TSNARE1: variants seen among roughly 807,000 people sequenced by gnomAD.
The protein encoded by TSNARE1 is t-SNARE domain containing 1.
In TSNARE1, 49 loss-of-function variants were observed where a neutral mutation model predicts 62.0. The observed-to-expected ratio is 0.79, with a 90% CI of 0.63 to 1.00. The LOEUF (loss-of-function observed/expected upper bound fraction) is 1.00, where lower values mean the gene tolerates loss of function less well. TSNARE1 is among the 50% of genes least tolerant of loss of function. The pLI is 0.00. For missense variants in TSNARE1, 755 were observed against 700.1 expected (o/e 1.08, Z -0.88); for synonymous variants, 328 against 294.4 (o/e 1.11, Z -1.17).
intron 11 of TSNARE1, chr8:142,277,195 G>C: frequency 1.0e-6 from 1 of 985,366 alleles, no homozygotes; most frequent in Non-Finnish European, 1.2e-6. Context: ...CAACACAGGG[G>C]GTGCTCCACG....
chr8:142,272,286 A>ACC (rs1480299011), intron 12 of TSNARE1, among the ~76,000 whole-genome samples: 2 of 140,922 alleles, frequency 1.4e-5, no homozygotes, highest in African/African-American at 5.3e-5. Context: ...CCACCTAGCC[A>ACC]CCCGCCCATC....
intron 9 of TSNARE1, among the ~76,000 whole-genome samples, chr8:142,309,500 A>C (rs1450001356): frequency 1.3e-5 from 2 of 152,130 alleles, no homozygotes; most frequent in Admixed American, 1.3e-4. Flanking sequence ...GCTTTTTTCT[A>C]TCTGTTGAAA....
chr8:142,338,678 G>A (rs182645013), intron 4 of TSNARE1, among the ~76,000 whole-genome samples: 25 of 152,368 alleles, frequency 1.6e-4, no homozygotes, highest in Non-Finnish European at 2.4e-4. Context: ...CCCAGTTGCC[G>A]GAGGGGATGA....
chr8:142,259,997 G>T (rs907375716), intron 12 of TSNARE1, among the ~76,000 whole-genome samples: 1 of 151,872 alleles, frequency 6.6e-6, no homozygotes, highest in Non-Finnish European at 1.5e-5. Context: ...CCCTCGGGCC[G>T]CAGAGGCCCA....
intron 10 of TSNARE1, among the ~76,000 whole-genome samples, chr8:142,294,647 C>T (rs998193066): frequency 2.4e-4 from 36 of 152,304 alleles, no homozygotes; most frequent in African/African-American, 8.7e-4. Flanking sequence ...GAGATGGGGC[C>T]GGTCAGCAGG....
chr8:142,330,768 ATG>A (rs1830910670), intron 6 of TSNARE1, 131 bp downstream of exon 6: 3 of 841,850 alleles, frequency 3.6e-6, no homozygotes, highest in Non-Finnish European at 3.9e-6. Context: ...ATGTGCGCAC[ATG>A]TGTGTCCAGG....
intron 11 of TSNARE1, among the ~76,000 whole-genome samples, chr8:142,281,273 C>A (rs998955199): frequency 7.2e-5 from 11 of 152,124 alleles, no homozygotes; most frequent in Admixed American, 7.2e-4. Flanking sequence ...AAAAGAGACA[C>A]CCAGCCAGAG....
At chr8:142,269,699 C>G (rs1379737195) in intron 12 of TSNARE1, 1 of 985,190 alleles carries the variant, frequency 1.0e-6, no homozygotes, top group Non-Finnish European at 1.2e-6. Flanking sequence ...GGTGGTGGGA[C>G]TGAGGTCATC....
chr8:142,353,329 A>G (rs918922575), intron 2 of TSNARE1, among the ~76,000 whole-genome samples: 3 of 151,724 alleles, frequency 2.0e-5, no homozygotes, highest in Non-Finnish European at 4.4e-5. Flanking sequence ...CTCCTGCCCA[A>G]CTCCTGGCAC....
chr8:142,368,701 T>C (rs1835728075), intron 1 of TSNARE1, among the ~76,000 whole-genome samples: 1 of 152,124 alleles, frequency 6.6e-6, no homozygotes, highest in Non-Finnish European at 1.5e-5. Context: ...CCAGGACCCC[T>C]GGGGTGCAGG....
At chr8:142,271,469 G>A in intron 12 of TSNARE1, 5 of 1,282,168 alleles carry the variant, frequency 3.9e-6, no homozygotes, top group Non-Finnish European at 4.9e-6. Flanking sequence ...CCTCCTGGAG[G>A]GCAAGGGAGG....
At chr8:142,298,054 C>G (rs1340540367) in intron 10 of TSNARE1, among the ~76,000 whole-genome samples, 2 of 152,210 alleles carry the variant, frequency 1.3e-5, no homozygotes, top group Non-Finnish European at 2.9e-5. Flanking sequence ...TGCTACCCCC[C>G]GTCCGCACAG....
At chr8:142,361,980 A>C (rs1835200029) in intron 1 of TSNARE1, among the ~76,000 whole-genome samples, 1 of 152,244 alleles carries the variant, frequency 6.6e-6, no homozygotes, top group South Asian at 2.1e-4. Context: ...ATGAAACTGC[A>C]AAGTTCAAGA....
intron 11 of TSNARE1, 165 bp from the exon 12 acceptor site, chr8:142,275,028 G>T (rs895376616): frequency 2.0e-6 from 2 of 985,446 alleles, no homozygotes; most frequent in Non-Finnish European, 2.4e-6. Context: ...AGGGCTCCGC[G>T]TGGTGTGGGC....
Position 142,267,320 on chromosome 8 carries a change from T to G in TSNARE1, c.1446+7461A>C, listed in dbSNP as rs530184604. On this transcript the variant is annotated intron_variant, in intron 12 of 13. Transcript: ENST00000524325. Reference sequence around the variant, plus strand: ...TCTTCTTGGATCCAGGATCCACAGGTGGACCTGGTGCTTATTCAGGCTCAG... The same window carrying G: ...TCTTCTTGGATCCAGGATCCACAGGGGGACCTGGTGCTTATTCAGGCTCAG... Among the ~76,000 whole-genome samples the G allele has an allele frequency of 1.8e-3, 280 of 152,294 alleles. 1 individual carries two copies. Among genetic ancestry groups the G allele is most frequent in the Non-Finnish European group, 3.5e-3 (239 of 68,026 alleles).
rs980481999 is a variant in TSNARE1 at position 142,275,880 on chromosome 8, T to C, written c.1364-1017A>G. 16 of 984,456 alleles carry C rather than the reference T, an allele frequency of 1.6e-5. No homozygotes were observed. The African/African-American group carries it at 2.8e-4, about 17-fold the overall frequency. 61.0% of individuals were successfully genotyped at this position (984,456 alleles called of 1,614,324 possible). A position where few individuals can be genotyped will look rare whatever the true frequency, so the allele number is the denominator to read the frequency against. The stretch of plus-strand genomic sequence containing the variant: ...CACGACTGGCTCTGAGGGAGGAGGG[T>C]CCTCAGAAAGACAAGGCCACTCCCC... On this transcript the variant is annotated intron_variant, in intron 11 of 13. Transcript: ENST00000524325.
intron 1 of TSNARE1, among the ~76,000 whole-genome samples, chr8:142,385,420 A>G (rs1026132553): frequency 6.6e-5 from 10 of 152,248 alleles, no homozygotes; most frequent in Non-Finnish European, 1.3e-4. Context: ...AACGACTGTC[A>G]ATGAGCATGA....
intron 13 of TSNARE1, among the ~76,000 whole-genome samples, chr8:142,223,265 C>CAT (rs879574180): frequency 0.042 from 2,330 of 55,540 alleles, 225 homozygotes; most frequent in East Asian, 0.18. Context: ...TTCACTCACT[C>CAT]ACTCATTCAG....
Position 142,291,125 on chromosome 8 carries a change from G to T in TSNARE1, c.1291-6640C>A, listed in dbSNP as rs1371646942. Among the ~76,000 whole-genome samples, 1 of 152,112 alleles carries T rather than the reference G, an allele frequency of 6.6e-6. No homozygotes were observed. Among genetic ancestry groups the T allele is most frequent in the Non-Finnish European group, 1.5e-5 (1 of 68,028 alleles). ...CTCAGGACTGGTGTCCTCAGCTGGG[G>T]ATTAAGTCACTGGCTCCTGGGGCGC... On this transcript the variant is annotated intron_variant, in intron 10 of 13. Transcript: ENST00000524325. The surrounding 1 kb of genome is among the most constrained non-coding windows in gnomAD (Gnocchi z 4.8).
Sources: allele counts gnomAD v4.1 joint callset (sites outside exome capture counted in the v4.1 genomes callset), GRCh38; gene constraint gnomAD v4.1.1; non-coding constraint Gnocchi (gnomAD v3.1); transcripts MANE v1.5; gene names NCBI Gene and HGNC (gene_info 2026-07-23, HGNC 2026-07-21).